The following DIS3L2 variants were observed in gnomAD, a reference collection of about 807,000 sequenced individuals.
DIS3L2 encodes DIS3-like exonuclease 2.
Under a neutral mutation model 97.5 loss-of-function variants are expected in DIS3L2, and 34 were observed. The observed-to-expected ratio is 0.35, with a 90% CI of 0.27 to 0.46. The LOEUF (loss-of-function observed/expected upper bound fraction) is 0.46, where lower values mean the gene tolerates loss of function less well. Among genes scored for constraint, DIS3L2 ranks in the 20% least tolerant of loss-of-function variants. The pLI, the probability that DIS3L2 is intolerant of heterozygous loss-of-function variation, is 1.00. For missense variants in DIS3L2, 1,038 were observed against 1,146.0 expected (o/e 0.91, Z 1.36); for synonymous variants, 435 against 445.2 (o/e 0.98, Z 0.29).
chr2:232,171,060 C>T (rs527572396), intron 9 of DIS3L2, among the ~76,000 whole-genome samples: 3 of 152,140 alleles, frequency 2.0e-5, no homozygotes, highest in Admixed American at 6.5e-5. Context: ...ATTGAAGGAG[C>T]GCTGGAAGTT....
At chr2:232,323,457 C>T (rs1695492868) in intron 14 of DIS3L2, among the ~76,000 whole-genome samples, 1 of 152,156 alleles carries the variant, frequency 6.6e-6, no homozygotes, top group African/African-American at 2.4e-5. Flanking sequence ...TCCTTTGGAG[C>T]TAGAAAAACA....
intron 9 of DIS3L2, among the ~76,000 whole-genome samples, chr2:232,174,584 T>TCA (rs1691094291): frequency 3.5e-5 from 1 of 28,232 alleles, no homozygotes; most frequent in Non-Finnish European, 8.5e-5. Context: ...AGACTCCACC[T>TCA]CAAAAAAAAA....
intron 1 of DIS3L2, among the ~76,000 whole-genome samples, chr2:232,014,162 C>T (rs1051544884): frequency 6.6e-6 from 1 of 152,242 alleles, no homozygotes; most frequent in Non-Finnish European, 1.5e-5. Flanking sequence ...TTCCAGCCTG[C>T]TGATCCTGGC....
chr2:232,232,261 G>A (rs1046013590), intron 10 of DIS3L2, among the ~76,000 whole-genome samples: 2 of 152,190 alleles, frequency 1.3e-5, no homozygotes, highest in African/African-American at 2.4e-5. Context: ...AGGCCAGGCA[G>A]GCCACAGAAG....
intron 9 of DIS3L2, among the ~76,000 whole-genome samples, chr2:232,187,171 T>G (rs1358861926): frequency 6.6e-6 from 1 of 152,104 alleles, no homozygotes; most frequent in Non-Finnish European, 1.5e-5. Flanking sequence ...GCATCATTGA[T>G]CATTACAAAA....
intron 8 of DIS3L2, among the ~76,000 whole-genome samples, chr2:232,162,738 C>T (rs1690690321): frequency 6.6e-6 from 1 of 152,168 alleles, no homozygotes; most frequent in Non-Finnish European, 1.5e-5. Flanking sequence ...CTGTATTCAA[C>T]GCACAAATTT....
At chr2:232,284,449 G>A (rs558622556) in intron 13 of DIS3L2, among the ~76,000 whole-genome samples, 2 of 152,290 alleles carry the variant, frequency 1.3e-5, no homozygotes, top group African/African-American at 4.8e-5. Flanking sequence ...TCGATACCAC[G>A]ATCAATGTTA....
chr2:232,316,286 G>A (rs746714678), intron 14 of DIS3L2, among the ~76,000 whole-genome samples: 13 of 152,060 alleles, frequency 8.5e-5, no homozygotes, highest in African/African-American at 1.2e-4. Context: ...TCTTCCAGGC[G>A]CCAAAACCTT....
chr2:232,110,346 T>C (rs1238363892), intron 6 of DIS3L2, among the ~76,000 whole-genome samples: 1 of 152,220 alleles, frequency 6.6e-6, no homozygotes, highest in Admixed American at 6.5e-5. Flanking sequence ...TTACTTGATA[T>C]ATACCCAAAG....
At chr2:232,065,753 G>T (rs1559590249) in intron 5 of DIS3L2, among the ~76,000 whole-genome samples, 1 of 151,830 alleles carries the variant, frequency 6.6e-6, no homozygotes, top group African/African-American at 2.4e-5. Flanking sequence ...GATCAATTTG[G>T]GGTCCAAATG....
chr2:232,198,577 C>A (rs1691816522), intron 9 of DIS3L2: 1 of 152,196 alleles, frequency 6.6e-6, no homozygotes. Flanking sequence ...GAGAGAGCTT[C>A]GGATAGAGAG....
chr2:232,197,940 G>A (rs1266075208), intron 9 of DIS3L2, among the ~76,000 whole-genome samples: 1 of 151,594 alleles, frequency 6.6e-6, no homozygotes, highest in African/African-American at 2.4e-5. Flanking sequence ...ACTCCAGCCT[G>A]GGCGACAGAG....
rs563679311 is a variant in DIS3L2, at chr2:232,329,984, A to C, written c.1911A>C (p.Ala637=). 3.8e-4 allele frequency: 604 copies of C among 1,610,584 alleles called. 5 individuals carry two copies. The Middle Eastern group carries it at 4.8e-3, about 13-fold the overall frequency. Residue 637 remains alanine (A), a synonymous_variant, in exon 15 of 21, where the codon GCA becomes GCC. Transcript: ENST00000325385. ...QMGLPVDFSS[A]GALNKSLTQT... ...GGCTGCCCGTGGACTTCAGCTCCGC[A>C]GGAGCCCTCAATGTGAGTGGTGGGC...
In DIS3L2 at chr2:232,269,981, C is replaced by T. The variant is rs1189087639; in HGVS notation, c.1659+6541C>T. 2.6e-5 allele frequency among the ~76,000 whole-genome samples: 4 copies of T among 151,924 alleles called. No homozygotes were observed. Among genetic ancestry groups the T allele is most frequent in the South Asian group, 2.1e-4 (1 of 4,808 alleles). On this transcript the variant is annotated intron_variant, in intron 13 of 20. Coordinates refer to ENST00000325385, the MANE Select transcript of DIS3L2 (RefSeq NM_152383.5). This position sits in a 1 kb window ranked among gnomAD's most constrained non-coding sequence, Gnocchi z 4.5. The stretch of plus-strand genomic sequence containing the variant: ...CGTGGGGTGAGAGAAGATGATGGAC[C>T]GACCCAAGAGAGGGAAGAAAATCGA...
intron 6 of DIS3L2, among the ~76,000 whole-genome samples, chr2:232,114,471 C>G (rs976443849): frequency 6.6e-6 from 1 of 151,986 alleles, no homozygotes; most frequent in African/African-American, 2.4e-5. Context: ...TAAGAAGGAC[C>G]ATGGATTCAG....
chr2:232,289,307 C>T (rs942561582), intron 13 of DIS3L2, among the ~76,000 whole-genome samples: 2 of 151,698 alleles, frequency 1.3e-5, no homozygotes, highest in African/African-American at 4.8e-5. Flanking sequence ...GTGTTCTTGC[C>T]TCTCTCATGT....
At position 232,088,390 on chromosome 2, in the gene DIS3L2, C is replaced by CAAA. The variant is rs778505065; in HGVS notation, c.601+690_601+692dup. ...TGAAAGCCCGTCTCTACTAAAAATA[C>CAAA]AAAAAAAAAAAAAAAAAAAAAAATA... On this transcript the variant is annotated intron_variant, in intron 6 of 20. Transcript: ENST00000325385. Among the ~76,000 whole-genome samples, 130 of 55,680 alleles carry CAAA rather than the reference C, an allele frequency of 2.3e-3. 3 individuals are homozygous for CAAA. The East Asian group carries it at 0.031, about 13-fold the overall frequency. The allele number at this position is 55,680 out of a possible 152,430, so 36.5% of individuals were successfully genotyped here.
intron 8 of DIS3L2, among the ~76,000 whole-genome samples, chr2:232,147,261 A>G (rs1690243640): frequency 1.3e-5 from 2 of 152,148 alleles, no homozygotes; most frequent in Admixed American, 6.5e-5. Flanking sequence ...GTGAGCTAGC[A>G]TGTCCGGCCC....
intron 3 of DIS3L2, among the ~76,000 whole-genome samples, chr2:232,023,608 C>A (rs1694577940): frequency 6.6e-6 from 1 of 152,122 alleles, no homozygotes; most frequent in South Asian, 2.1e-4. Flanking sequence ...CCCCCACCTG[C>A]ACCCCTGTGT....
Sources: gnomAD v4.1 joint callset for allele counts (sites outside exome capture counted in the v4.1 genomes callset) on GRCh38, gnomAD v4.1.1 for gene constraint, Gnocchi (gnomAD v3.1) non-coding constraint, MANE v1.5 for transcripts, NCBI Gene and HGNC (gene_info 2026-07-23, HGNC 2026-07-21) for gene names.